SLC16A12: variants seen among roughly 807,000 people sequenced by gnomAD.
SLC16A12 encodes the protein solute carrier family 16 member 12, also known as monocarboxylate transporter 12.
Under a neutral mutation model 42.4 loss-of-function variants are expected in SLC16A12, and 17 were observed. That is an observed-to-expected ratio of 0.40 (90% CI 0.27 to 0.60). The LOEUF is 0.60. SLC16A12 is among the 20% of genes least tolerant of loss of function. The pLI is 0.42. For synonymous variants in SLC16A12, 224 were observed against 229.4 expected, an observed-to-expected ratio of 0.98 and a Z score of 0.21; for missense variants, 544 against 623.0, an observed-to-expected ratio of 0.87 and a Z score of 1.35.
chr10:89,440,525 A>T (rs903860621), intron 5 of SLC16A12, among the ~76,000 whole-genome samples: 1 of 152,236 alleles, frequency 6.6e-6, no homozygotes, highest in Admixed American at 6.5e-5. Flanking sequence ...GCAAACTCCC[A>T]TTGCAGTCCC....
At chr10:89,553,653 C>T (rs911773466) in intron 2 of SLC16A12, among the ~76,000 whole-genome samples, 3 of 152,084 alleles carry the variant, frequency 2.0e-5, no homozygotes, top group Non-Finnish European at 4.4e-5. Flanking sequence ...GTGAACTGCT[C>T]AACAATGGGA....
At chr10:89,445,763 G>T (rs1014919190) in intron 3 of SLC16A12, among the ~76,000 whole-genome samples, 13 of 152,304 alleles carry the variant, frequency 8.5e-5, no homozygotes, top group Middle Eastern at 3.4e-3. Context: ...ACTTTGACAA[G>T]TTGACAGAAG....
At chr10:89,434,183 T>TTGTTTG (rs1343850413) in intron 7 of SLC16A12, among the ~76,000 whole-genome samples, 3 of 152,200 alleles carry the variant, frequency 2.0e-5, no homozygotes, top group Non-Finnish European at 4.4e-5. Context: ...TGCTCTCAAA[T>TTGTTTG]ATTTTAGTTA....
chr10:89,495,711 C>T (rs1254777654), intron 2 of SLC16A12, among the ~76,000 whole-genome samples: 1 of 152,156 alleles, frequency 6.6e-6, no homozygotes, highest in Non-Finnish European at 1.5e-5. Context: ...TAGAATATCT[C>T]ATAATGTATT....
intron 3 of SLC16A12, among the ~76,000 whole-genome samples, chr10:89,459,403 T>C (rs1418930377): frequency 6.6e-6 from 1 of 151,646 alleles, no homozygotes; most frequent in African/African-American, 2.4e-5. Context: ...ATGTGTATGT[T>C]TGTGTGTGTG....
rs576064122 is a variant in SLC16A12 at position 89,457,167 on chromosome 10, A to T, written c.200+5212T>A. ...TAAAGAGCTTCTGCACAGCAAAAGA[A>T]ACTATCATCAGAGTGAACAGACAAC... On this transcript the variant is annotated intron_variant, in intron 3 of 7. Coordinates refer to ENST00000371790, the MANE Select transcript of SLC16A12 (RefSeq NM_213606.4). 3.3e-5 allele frequency among the ~76,000 whole-genome samples: 5 copies of T among 152,372 alleles called. No individual in the cohort carries two copies. In the East Asian group the frequency reaches 5.8e-4, roughly 18 times the overall value.
chr10:89,506,525 T>C (rs987191904), intron 2 of SLC16A12, among the ~76,000 whole-genome samples: 2 of 151,722 alleles, frequency 1.3e-5, no homozygotes, highest in African/African-American at 2.4e-5. Flanking sequence ...AGGAATAGCA[T>C]CAACATCAAT....
At chr10:89,492,201 G>A (rs556283459) in intron 2 of SLC16A12, among the ~76,000 whole-genome samples, 18 of 152,282 alleles carry the variant, frequency 1.2e-4, no homozygotes, top group Non-Finnish European at 2.5e-4. Context: ...AGCTGTGCAT[G>A]TGTTAATTGA....
chr10:89,537,152 T>TG (rs1843677384), upstream of SLC16A12, among the ~76,000 whole-genome samples: 1 of 151,054 alleles, frequency 6.6e-6, no homozygotes, highest in Admixed American at 6.6e-5. Flanking sequence ...TATGTTTTTT[T>TG]TTTTTTTTTT....
At chr10:89,465,667 C>T (rs991813871) in intron 2 of SLC16A12, among the ~76,000 whole-genome samples, 1 of 152,200 alleles carries the variant, frequency 6.6e-6, no homozygotes, top group African/African-American at 2.4e-5. Context: ...CACACACAGC[C>T]TGCTGGAGAA....
chr10:89,521,061 G>A (rs911060861), intron 2 of SLC16A12, among the ~76,000 whole-genome samples: 1 of 152,222 alleles, frequency 6.6e-6, no homozygotes, highest in Admixed American at 6.5e-5. Context: ...CAATGGTCTT[G>A]TAAGAGAAAA....
intron 2 of SLC16A12, among the ~76,000 whole-genome samples, chr10:89,546,801 A>G (rs1843744588): frequency 6.6e-6 from 1 of 152,240 alleles, no homozygotes; most frequent in African/African-American, 2.4e-5. Context: ...CATCAATGAT[A>G]GACTGGATAA....
intron 2 of SLC16A12, among the ~76,000 whole-genome samples, chr10:89,515,174 A>C (rs1843230054): frequency 6.6e-6 from 1 of 152,046 alleles, no homozygotes; most frequent in Non-Finnish European, 1.5e-5. Flanking sequence ...ACTGGGGAGC[A>C]ATTTCAATGG....
At chr10:89,448,173 C>T (rs1842034643) in intron 3 of SLC16A12, among the ~76,000 whole-genome samples, 1 of 152,188 alleles carries the variant, frequency 6.6e-6, no homozygotes, top group Admixed American at 6.5e-5. Context: ...CGAATTCTAT[C>T]AGAGGTGCGA....
At chr10:89,513,733 A>C (rs139709840) in intron 2 of SLC16A12, among the ~76,000 whole-genome samples, 1 of 152,322 alleles carries the variant, frequency 6.6e-6, no homozygotes, top group African/African-American at 2.4e-5. Flanking sequence ...ACAAGGGACT[A>C]GTCAGACCAG....
At chr10:89,487,985 TATATATATATAC>T (rs1285957226) in intron 2 of SLC16A12, among the ~76,000 whole-genome samples, 2 of 134,154 alleles carry the variant, frequency 1.5e-5, no homozygotes, top group African/African-American at 5.9e-5. Context: ...TATATATATA[TATATATATATAC>T]ACACACACAT....
At chr10:89,536,513 C>T (rs1374387915), upstream of SLC16A12, among the ~76,000 whole-genome samples, 1 of 151,926 alleles carries the variant, frequency 6.6e-6, no homozygotes, top group Non-Finnish European at 1.5e-5. Context: ...AATACAATTC[C>T]CCAAACGTTG....
In SLC16A12 at chr10:89,442,370, C is replaced by T. The variant is rs139057188; in HGVS notation, c.305-1119G>A. On this transcript the variant is annotated intron_variant, in intron 4 of 7. Transcript: ENST00000371790. ...TGCATAGAATTTAAATATGTTGCTT[C>T]TGACATAACCCTACTCAAAGCTTGA... is the stretch of plus-strand genomic sequence containing the variant. Among the ~76,000 whole-genome samples, 763 of 152,326 alleles carry T rather than the reference C, an allele frequency of 5.0e-3. 2 individuals carry two copies. The highest frequency in any genetic ancestry group is 0.017 in the Middle Eastern group (5 of 294).
At chr10:89,462,289 C>T in intron 3 of SLC16A12, 90 bp downstream of exon 3, 1 of 1,560,150 alleles carries the variant, frequency 6.4e-7, no homozygotes, top group Non-Finnish European at 8.8e-7. Context: ...CATATCTTCA[C>T]AATGATGGGT....
Sources: gnomAD v4.1 joint callset for allele counts (sites outside exome capture counted in the v4.1 genomes callset) on GRCh38, gnomAD v4.1.1 for gene constraint, MANE v1.5 for transcripts, NCBI Gene and HGNC (gene_info 2026-07-23, HGNC 2026-07-21) for gene names.